The following BST1 variants were observed in gnomAD, a reference collection of about 807,000 sequenced individuals.
BST1 encodes the protein ADP-ribosyl cyclase/cyclic ADP-ribose hydrolase 2.
BST1 carries 49 observed loss-of-function variants against 40.6 expected under a neutral mutation model. That is an observed-to-expected ratio of 1.21 (90% CI 0.96 to 1.53). BST1 has a LOEUF of 1.53. Among genes scored for constraint, BST1 ranks in the 40% most tolerant of loss-of-function variants. The probability of loss-of-function intolerance (pLI) is 0.00; values close to 1 mark genes in which losing one functional copy is unlikely to be tolerated. For synonymous variants in BST1, 157 were observed against 159.3 expected, an observed-to-expected ratio of 0.99 and a Z score of 0.11; for missense variants, 423 against 395.9, an observed-to-expected ratio of 1.07 and a Z score of -0.58.
chr4:15,704,497 G>T (rs1429262857), intron 1 of BST1, among the ~76,000 whole-genome samples: 2 of 146,666 alleles, frequency 1.4e-5, no homozygotes, highest in African/African-American at 2.5e-5. Flanking sequence ...TGTGTGTGTA[G>T]TCTAGAGGTG....
chr4:15,767,193 G>A, the BST1 span, among the ~76,000 whole-genome samples: 100 of 152,282 alleles, frequency 6.6e-4, 2 homozygotes, highest in African/African-American at 2.3e-3. Context: ...GGATATGCCC[G>A]AACAGACGTG....
intron 7 of BST1, among the ~76,000 whole-genome samples, 194 bp downstream of exon 7, chr4:15,719,187 C>T (rs571638897): frequency 6.6e-6 from 1 of 152,204 alleles, no homozygotes; most frequent in Non-Finnish European, 1.5e-5. Context: ...GTCCAGAGTC[C>T]ATCTTCACGG....
chr4:15,745,860 C>T, the BST1 span, among the ~76,000 whole-genome samples: 2 of 152,076 alleles, frequency 1.3e-5, no homozygotes, highest in Non-Finnish European at 2.9e-5. Context: ...TAAGGCATCT[C>T]GAAGACTTAC....
intron 8 of BST1, among the ~76,000 whole-genome samples, chr4:15,725,947 CTT>C (rs1206237130): frequency 5.0e-5 from 3 of 60,148 alleles, no homozygotes; most frequent in East Asian, 6.6e-4. Flanking sequence ...GAAGTGCGGT[CTT>C]TTTTTTTTTT....
chr4:15,717,480 C>A (rs937741495), intron 6 of BST1, among the ~76,000 whole-genome samples: 9 of 152,248 alleles, frequency 5.9e-5, no homozygotes, highest in Admixed American at 3.3e-4. Context: ...TTAATTGTGA[C>A]CATTAGTGAA....
chr4:15,709,949 A>C (rs1720101528), intron 3 of BST1, among the ~76,000 whole-genome samples: 1 of 151,714 alleles, frequency 6.6e-6, no homozygotes, highest in Non-Finnish European at 1.5e-5. Context: ...TTTTTATTTT[A>C]TTTATTTATT....
chr4:15,726,058 C>T (rs1721091929), intron 8 of BST1, among the ~76,000 whole-genome samples: 1 of 142,490 alleles, frequency 7.0e-6, no homozygotes, highest in Non-Finnish European at 1.5e-5. Flanking sequence ...ACCTCCTGGG[C>T]TCACGTGATC....
At chr4:15,742,486 T>A (rs1371274633), downstream of BST1, among the ~76,000 whole-genome samples, 1 of 152,238 alleles carries the variant, frequency 6.6e-6, no homozygotes, top group Non-Finnish European at 1.5e-5. Context: ...AGATGCCTAA[T>A]CTTGAACTTT....
chr4:15,724,694 A>T (rs1221615382), intron 8 of BST1, among the ~76,000 whole-genome samples: 2 of 145,684 alleles, frequency 1.4e-5, no homozygotes, highest in Non-Finnish European at 3.0e-5. Context: ...CTCAAAAAAT[A>T]AAATAAAATA....
the BST1 span, among the ~76,000 whole-genome samples, chr4:15,746,452 C>G: frequency 6.6e-6 from 1 of 152,224 alleles, no homozygotes; most frequent in Non-Finnish European, 1.5e-5. Flanking sequence ...GCACTAGTAT[C>G]TGGTGGGGCC....
At chr4:15,743,400 G>A in the BST1 span, 2 of 283,526 alleles carry the variant, frequency 7.1e-6, no homozygotes, top group South Asian at 7.3e-5. Flanking sequence ...ATATATGTAT[G>A]AAGATGAAGA....
At chr4:15,707,958 A>G (rs565073518) in intron 3 of BST1, among the ~76,000 whole-genome samples, 4 of 151,448 alleles carry the variant, frequency 2.6e-5, no homozygotes, top group Middle Eastern at 3.4e-3. Context: ...GCCCACAACA[A>G]CCTCATGGGA....
chr4:15,767,148 G>C, the BST1 span, among the ~76,000 whole-genome samples: 1 of 150,304 alleles, frequency 6.7e-6, no homozygotes, highest in Middle Eastern at 3.4e-3. Flanking sequence ...GGGAAAAGTT[G>C]ACGCTGGCAA....
chr4:15,762,188 C>CAAAAAAAAAAAA, the BST1 span, among the ~76,000 whole-genome samples: 1 of 61,266 alleles, frequency 1.6e-5, no homozygotes, highest in Non-Finnish European at 3.0e-5. Flanking sequence ...GACTCCATCT[C>CAAAAAAAAAAAA]AAAAAAAAAA....
chr4:15,708,409 A>G (rs1055317202), intron 3 of BST1, among the ~76,000 whole-genome samples: 1 of 152,124 alleles, frequency 6.6e-6, no homozygotes, highest in African/African-American at 2.4e-5. Flanking sequence ...AGCTCGAGTG[A>G]TATGGGCTAT....
the BST1 span, among the ~76,000 whole-genome samples, chr4:15,744,560 T>G: frequency 6.6e-6 from 1 of 152,240 alleles, no homozygotes; most frequent in Non-Finnish European, 1.5e-5. Context: ...CAATTTAAGA[T>G]GAGATTTTGG....
At position 15,711,827 on chromosome 4, in the gene BST1, C is replaced by CCT; in HGVS notation, c.473_474dup (p.Thr159LeufsTer29). On this transcript the variant is annotated frameshift_variant, in exon 4 of 9. Coordinates refer to ENST00000265016, the MANE Select transcript of BST1 (RefSeq NM_004334.3). LOFTEE classifies it high-confidence loss of function. Reference sequence around the variant, plus strand: ...CTTAGGACTCGATTACCAATCCTGCCCTACATCAGAAGACTGTGAAAATAA... The same window carrying CCT: ...CTTAGGACTCGATTACCAATCCTGCCCTCTACATCAGAAGACTGTGAAAATAA... The CCT allele has an allele frequency of 6.2e-7, 1 of 1,613,920 alleles. No homozygotes were observed. Among genetic ancestry groups the CCT allele is most frequent in the Non-Finnish European group, 8.5e-7 (1 of 1,179,874 alleles).
chr4:15,770,895 G>C, the BST1 span, among the ~76,000 whole-genome samples: 8 of 152,184 alleles, frequency 5.3e-5, no homozygotes, highest in African/African-American at 1.9e-4. Context: ...TTTTCAGCCT[G>C]TTCGACAGAT....
chr4:15,748,221 A>G, the BST1 span, among the ~76,000 whole-genome samples: 5 of 152,166 alleles, frequency 3.3e-5, no homozygotes, highest in Non-Finnish European at 7.3e-5. Flanking sequence ...AGATCCTACA[A>G]TTCTTTTGGT....
Sources: allele counts gnomAD v4.1 joint callset (sites outside exome capture counted in the v4.1 genomes callset), GRCh38; gene constraint gnomAD v4.1.1; transcripts MANE v1.5; gene names NCBI Gene and HGNC (gene_info 2026-07-23, HGNC 2026-07-21).